Variants in RHOT2 observed in about 807,000 individuals in gnomAD.
RHOT2 encodes the protein ras homolog family member T2, also known as mitochondrial Rho GTPase 2.
Under a neutral mutation model 81.6 loss-of-function variants are expected in RHOT2, and 90 were observed. That is an observed-to-expected ratio of 1.10 (90% CI 0.93 to 1.31). The LOEUF is 1.31. Ranked by LOEUF, RHOT2 falls within the 40% of genes most tolerant of loss-of-function variation. The probability of loss-of-function intolerance (pLI) is 0.00; values close to 1 mark genes in which losing one functional copy is unlikely to be tolerated. For synonymous variants in RHOT2, 512 were observed against 370.9 expected (o/e 1.38, Z -4.37); for missense variants, 1,014 against 841.9 (o/e 1.20, Z -2.53).
Position 671,184 on chromosome 16 carries a change from G to T in RHOT2, c.850G>T (p.Ala284Ser). 6.4e-7 allele frequency: 1 copy of T among 1,570,354 alleles called. No individual in the cohort carries two copies. Among genetic ancestry groups the T allele is most frequent in the South Asian group, 1.2e-5 (1 of 86,598 alleles). ...CTACAGCGATGCCCTGGAGCTGACT[G>T]CGGACTATCTCTCCCCTCTGTGAGT... ...FGYSDALELTADYLSPLIHVP... is the reference protein window; with the variant it reads ...FGYSDALELTSDYLSPLIHVP... The change falls in exon 11 of 19, where the codon GCG becomes TCG. Residue 284 changes from alanine (A) to serine (S), a missense_variant. Coordinates refer to ENST00000315082, the MANE Select transcript of RHOT2 (RefSeq NM_138769.3).
chr16:673,288 G>A lies in RHOT2; in HGVS notation c.1730+158G>A, dbSNP rs1222937111. On this transcript the variant is annotated intron_variant, in intron 18 of 18. Coordinates refer to ENST00000315082, the MANE Select transcript of RHOT2 (RefSeq NM_138769.3). Reference sequence around the variant, plus strand: ...GCCTGGAACTGGGGCCAGAGTGGCGGGGTGGAGCTTTGTGTGGCAGAGGGA... The same window carrying A: ...GCCTGGAACTGGGGCCAGAGTGGCGAGGTGGAGCTTTGTGTGGCAGAGGGA... 5 of 1,192,640 alleles carry A rather than the reference G, an allele frequency of 4.2e-6. No individual in the cohort carries two copies. In the East Asian group the frequency reaches 9.9e-5, roughly 24 times the overall value. 73.9% of individuals were successfully genotyped at this position (1,192,640 alleles called of 1,614,324 possible). A position where few individuals can be genotyped will look rare whatever the true frequency, so the allele number is the denominator to read the frequency against.
chr16:668,811 T>A, intron 4 of RHOT2, 112 bp downstream of exon 4: 1 of 1,171,712 alleles, frequency 8.5e-7, no homozygotes, highest in Non-Finnish European at 1.2e-6. Flanking sequence ...CCCTGATAAT[T>A]CTGTGACCTC....
chr16:669,878 C>T (rs951222431), intron 5 of RHOT2: 15 of 611,538 alleles, frequency 2.5e-5, no homozygotes, highest in South Asian at 1.4e-4. Context: ...AGAGGGCCTG[C>T]GTTGGGGGCG....
At chr16:673,182 C>T (rs746610455) in intron 18 of RHOT2, 52 bp downstream of exon 18, 2 of 1,565,258 alleles carry the variant, frequency 1.3e-6, no homozygotes, top group South Asian at 2.2e-5. Context: ...GTCATCCGAG[C>T]AGTGGGCAGC....
rs1567257341 is a variant in RHOT2, at chr16:672,424, G to A, written c.1326+40G>A. The stretch of plus-strand genomic sequence containing the variant: ...CTCCCCCACCACCCCAGGGGCTCCA[G>A]GGGCAGGGCAGGGCAATCTGGGGGG... On this transcript the variant is annotated intron_variant, in intron 15 of 18. Coordinates refer to ENST00000315082, the MANE Select transcript of RHOT2 (RefSeq NM_138769.3). 4 of 1,607,426 alleles carry A rather than the reference G, an allele frequency of 2.5e-6. No homozygotes were observed. In the South Asian group the frequency reaches 3.3e-5, roughly 13 times the overall value.
chr16:669,561 G>T lies in RHOT2; in HGVS notation c.231G>T (p.Val77=). 1 of 1,611,818 alleles carries T rather than the reference G, an allele frequency of 6.2e-7. No homozygotes were observed. Among genetic ancestry groups the T allele is most frequent in the South Asian group, 1.1e-5 (1 of 90,972 alleles). Residue 77 remains valine (V), a synonymous_variant, in exon 5 of 19, where the codon GTG becomes GTT. Transcript: ENST00000315082. ...CATCACTGTTCCCTCAGGCAAACGT[G>T]GTGTGTGTGGTGTATGACGTCTCTG... ...ELREEIHKAN[V]VCVVYDVSEE...
chr16:671,836 A>G, intron 12 of RHOT2, 24 bp from the exon 13 acceptor site: 2 of 1,257,770 alleles, frequency 1.6e-6, no homozygotes, highest in Non-Finnish European at 2.1e-6. Flanking sequence ...CGGCACACAC[A>G]TCACCACATC....
chr16:673,440 T>C (rs773364040), intron 18 of RHOT2, 40 bp from the exon 19 acceptor site: 8 of 1,611,930 alleles, frequency 5.0e-6, no homozygotes, highest in South Asian at 1.1e-5. Context: ...GCTGGGGGCA[T>C]GTGCCTGAGG....
chr16:671,220 C>A lies in RHOT2; in HGVS notation c.869+17C>A. 1 of 1,531,556 alleles carries A rather than the reference C, an allele frequency of 6.5e-7. No individual in the cohort carries two copies. The allele number at this position is 1,531,556 out of a possible 1,614,324, so 94.9% of individuals were successfully genotyped here. A position where few individuals can be genotyped will look rare whatever the true frequency, so the allele number is the denominator to read the frequency against. ...CTCCCCTCTGTGAGTGATGCCGGGG[C>A]TTGAGGCCTGCCCTCCCCGAGGGTC... On this transcript the variant is annotated intron_variant, in intron 11 of 18. Coordinates refer to ENST00000315082, the MANE Select transcript of RHOT2 (RefSeq NM_138769.3).
intron 10 of RHOT2, 27 bp from the exon 11 acceptor site, chr16:671,056 T>G (rs1454522778): frequency 6.2e-7 from 1 of 1,608,312 alleles, no homozygotes; most frequent in Non-Finnish European, 8.5e-7. Flanking sequence ...CTGTGCCTGG[T>G]GCTCCCCCTG....
At chr16:670,009 C>T in intron 5 of RHOT2, 114 bp from the exon 6 acceptor site, 1 of 964,140 alleles carries the variant, frequency 1.0e-6, no homozygotes, top group Non-Finnish European at 1.5e-6. Flanking sequence ...GGGACTTGGG[C>T]CCTCAGTGGG....
rs769839120 is a variant in RHOT2, at chr16:671,713, G to A, written c.886G>A (p.Gly296Ser). The stretch of plus-strand genomic sequence containing the variant: ...TCCCTGCAGGATCCACGTGCCCCCC[G>A]GCTGCAGCACGGAGCTCAACCACCT... ...YLSPLIHVPPGCSTELNHLGY... is the reference protein window; with the variant it reads ...YLSPLIHVPPSCSTELNHLGY... Residue 296 changes from glycine to serine, a missense_variant, in exon 12 of 19, where the codon GGC becomes AGC. Transcript: ENST00000315082. 15 of 1,612,260 alleles carry A rather than the reference G, an allele frequency of 9.3e-6. No homozygotes were observed. Among genetic ancestry groups the A allele is most frequent in the South Asian group, 5.5e-5 (5 of 91,076 alleles).
chr16:671,899 C>T lies in RHOT2; in HGVS notation c.994C>T (p.Leu332Phe), dbSNP rs780156814. Residue 332 changes from leucine to phenylalanine, a missense_variant, in exon 13 of 19, where the codon CTT (leucine) becomes TTT (phenylalanine). Leu to Phe is a conservative substitution (Grantham distance 22). Coordinates refer to ENST00000315082, the MANE Select transcript of RHOT2 (RefSeq NM_138769.3). ...CCTCTCGCCCGTGGAGCTGCAAAGC[C>T]TTTTCAGTGTGTTCCCAGCAGCGCC... ...GALSPVELQSLFSVFPAAPWG... is the reference protein window; with the variant it reads ...GALSPVELQSFFSVFPAAPWG... 3.1e-6 allele frequency: 5 copies of T among 1,611,900 alleles called. No homozygotes were observed. Among genetic ancestry groups the T allele is most frequent in the Middle Eastern group, 1.7e-4 (1 of 6,060 alleles).
chr16:668,125 C>G (rs1335433061), upstream of RHOT2: 1 of 416,802 alleles, frequency 2.4e-6, no homozygotes, highest in Non-Finnish European at 4.2e-6. Flanking sequence ...GGGGCGGGCG[C>G]GGGGGCAGAG....
Position 673,730 on chromosome 16 carries a change from T to G in RHOT2, c.*124T>G. The G allele has an allele frequency of 7.9e-7, 1 of 1,268,604 alleles. No homozygotes were observed. The highest frequency in any genetic ancestry group is 1.1e-6 in the Non-Finnish European group (1 of 922,892). 78.6% of individuals were successfully genotyped at this position (1,268,604 alleles called of 1,614,324 possible). A position where few individuals can be genotyped will look rare whatever the true frequency, so the allele number is the denominator to read the frequency against. Reference sequence around the variant, plus strand: ...CCGGGAACGCCTTTGCGCCGGGACTTTTTGTTTCTGAAGGCAGTCGATCTG... The same window carrying G: ...CCGGGAACGCCTTTGCGCCGGGACTGTTTGTTTCTGAAGGCAGTCGATCTG... On this transcript the variant is annotated 3_prime_UTR_variant, in exon 19 of 19. Transcript: ENST00000315082.
At position 672,124 on chromosome 16, in the gene RHOT2, C is replaced by A; in HGVS notation, c.1138C>A (p.Leu380Ile). ...YLDVRSCLGH[L>I]GYLGYPTLCE... ...GGACGTCCGGAGCTGCCTTGGACAC[C>A]TAGGCTACCTGGGCTACCCCACCCT... Residue 380 changes from leucine to isoleucine, a missense_variant, in exon 14 of 19, where the codon CTA becomes ATA. Transcript: ENST00000315082. 1.2e-6 allele frequency: 2 copies of A among 1,612,740 alleles called. No individual in the cohort carries two copies. Among genetic ancestry groups the A allele is most frequent in the Non-Finnish European group, 1.7e-6 (2 of 1,179,966 alleles).
At chr16:671,518 C>G (rs960151161) in intron 11 of RHOT2, among the ~76,000 whole-genome samples, 179 bp from the exon 12 acceptor site, 11 of 152,160 alleles carry the variant, frequency 7.2e-5, no homozygotes, top group Non-Finnish European at 1.2e-4. Context: ...CTCCCACGTG[C>G]TGGAGCCAGG....
At chr16:669,807 G>A (rs1375198229) in intron 5 of RHOT2, 7 of 633,304 alleles carry the variant, frequency 1.1e-5, no homozygotes, top group Admixed American at 2.6e-5. Flanking sequence ...CGCAGTCTGA[G>A]CCATTGAGGC....
At position 672,797 on chromosome 16, in the gene RHOT2, C is replaced by T. The variant is rs1361565259; in HGVS notation, c.1499C>T (p.Ser500Phe). The change falls in exon 17 of 19, where the codon TCC becomes TTC. Residue 500 changes from serine to phenylalanine, a missense_variant. Physicochemically the swap from Ser to Phe is radical, Grantham distance 155. Coordinates refer to ENST00000315082, the MANE Select transcript of RHOT2 (RefSeq NM_138769.3). ...CLMFDGSDPK[S>F]FAHCASVYKH... The stretch of plus-strand genomic sequence containing the variant: ...ATGTTTGATGGCAGTGACCCAAAGT[C>T]CTTTGCACATTGTGCCAGCGTCTAC... 2 of 1,612,672 alleles carry T rather than the reference C, an allele frequency of 1.2e-6. No individual in the cohort carries two copies. Among genetic ancestry groups the T allele is most frequent in the Admixed American group, 1.7e-5 (1 of 60,034 alleles).
Sources: gnomAD v4.1 joint callset for allele counts (sites outside exome capture counted in the v4.1 genomes callset) on GRCh38, gnomAD v4.1.1 for gene constraint, MANE v1.5 for transcripts, NCBI Gene and HGNC (gene_info 2026-07-23, HGNC 2026-07-21) for gene names.